RBFOX1: variants seen among roughly 807,000 people sequenced by gnomAD.
The protein encoded by RBFOX1 is RNA binding protein fox-1 homolog 1.
In RBFOX1, 8 loss-of-function variants were observed where a neutral mutation model predicts 57.7. That is an observed-to-expected ratio of 0.14 (90% CI 0.08 to 0.25). The LOEUF (loss-of-function observed/expected upper bound fraction) is 0.25, where lower values mean the gene tolerates loss of function less well. Among genes scored for constraint, RBFOX1 ranks in the 10% least tolerant of loss-of-function variants. The probability of loss-of-function intolerance (pLI) is 1.00; values close to 1 mark genes in which losing one functional copy is unlikely to be tolerated. For synonymous variants in RBFOX1, 326 were observed against 222.4 expected (o/e 1.47, Z -4.15); for missense variants, 611 against 548.5 (o/e 1.11, Z -1.14).
intron 4 of RBFOX1, among the ~76,000 whole-genome samples, chr16:7,066,984 C>G (rs929893129): frequency 6.6e-6 from 1 of 152,152 alleles, no homozygotes; most frequent in East Asian, 1.9e-4. Flanking sequence ...ATGGAAATGC[C>G]TCTTTATGCT....
At position 5,710,773 on chromosome 16, in the gene RBFOX1, C is replaced by A. The variant is rs796952032; in HGVS notation, c.318+111812C>A. On this transcript the variant is annotated intron_variant, in intron 3 of 19. Coordinates refer to the RBFOX1 transcript ENST00000641259. ...ATTACCGGCTCTGTGTCCCTGGGGA[C>A]CCCTGGCGTTTTCTGGGCTTGTTGG... 3.9e-5 allele frequency among the ~76,000 whole-genome samples: 6 copies of A among 152,168 alleles called. No homozygotes were observed. The South Asian group carries it at 1.2e-3, about 32-fold the overall frequency.
intron 1 of RBFOX1, among the ~76,000 whole-genome samples, chr16:5,271,398 G>C (rs1217364347): frequency 1.3e-5 from 2 of 152,156 alleles, no homozygotes; most frequent in Non-Finnish European, 2.9e-5. Flanking sequence ...TACATACCCA[G>C]GCTCTACCTC....
intron 3 of RBFOX1, among the ~76,000 whole-genome samples, chr16:5,786,252 C>T (rs570065398): frequency 6.6e-5 from 10 of 152,304 alleles, no homozygotes; most frequent in African/African-American, 1.9e-4. Flanking sequence ...TCCTCTCTTG[C>T]TCCTGCTCAG....
Position 5,726,219 on chromosome 16 carries a change from G to C in RBFOX1, c.318+127258G>C, listed in dbSNP as rs140390533. Among the ~76,000 whole-genome samples, 516 of 151,960 alleles carry C rather than the reference G, an allele frequency of 3.4e-3. 1 individual carries two copies. The highest frequency in any genetic ancestry group is 0.014 in the Middle Eastern group (4 of 294). On this transcript the variant is annotated intron_variant, in intron 3 of 19. Transcript: ENST00000641259. ...CAATCAGTTTTGTCATTCTAGATCAGATGCCTCCCCGAAATGCAGATAAAT... is the reference window on the plus strand; with the variant it reads ...CAATCAGTTTTGTCATTCTAGATCACATGCCTCCCCGAAATGCAGATAAAT...
intron 1 of RBFOX1, among the ~76,000 whole-genome samples, chr16:5,450,581 T>C (rs1184833940): frequency 6.6e-6 from 1 of 151,918 alleles, no homozygotes; most frequent in East Asian, 1.9e-4. Context: ...TTCTCTGGAG[T>C]GTACTGTTTT....
intron 4 of RBFOX1, among the ~76,000 whole-genome samples, chr16:7,144,150 C>T (rs17142489): frequency 0.071 from 10,735 of 152,108 alleles, 1,249 homozygotes; most frequent in African/African-American, 0.24. Context: ...CTCTAGTTTG[C>T]AAAAATGATT....
chr16:7,092,363 C>G (rs968265854), intron 4 of RBFOX1, among the ~76,000 whole-genome samples: 1 of 152,192 alleles, frequency 6.6e-6, no homozygotes, highest in Non-Finnish European at 1.5e-5. Flanking sequence ...AAAACAAAGC[C>G]TCTGAGAGGA....
chr16:6,025,260 A>G (rs1158618064), intron 1 of RBFOX1, among the ~76,000 whole-genome samples: 1 of 152,222 alleles, frequency 6.6e-6, no homozygotes, highest in Non-Finnish European at 1.5e-5. Flanking sequence ...TGACATCTGA[A>G]AAGGTAAGCC....
chr16:7,701,655 C>CT (rs1399099962), intron 14 of RBFOX1, among the ~76,000 whole-genome samples: 1 of 152,152 alleles, frequency 6.6e-6, no homozygotes, highest in Admixed American at 6.6e-5. Flanking sequence ...TCTTGAGAAG[C>CT]TTTGAGGATA....
At chr16:5,468,609 C>A (rs1453655206) in intron 2 of RBFOX1, among the ~76,000 whole-genome samples, 1 of 152,206 alleles carries the variant, frequency 6.6e-6, no homozygotes. Context: ...CACACGACTT[C>A]ACAGTGACAT....
At chr16:6,464,230 G>A (rs2094987606) in intron 2 of RBFOX1, among the ~76,000 whole-genome samples, 1 of 152,116 alleles carries the variant, frequency 6.6e-6, no homozygotes, top group Non-Finnish European at 1.5e-5. Flanking sequence ...GTTGCTAATA[G>A]CCATTTTGGT....
At chr16:6,152,915 G>A (rs901869370) in intron 1 of RBFOX1, among the ~76,000 whole-genome samples, 33 of 152,138 alleles carry the variant, frequency 2.2e-4, no homozygotes, top group African/African-American at 6.8e-4. Context: ...GAAATAAGTC[G>A]ATGGTTTTAA....
At chr16:5,372,242 T>C (rs1237240028) in intron 1 of RBFOX1, among the ~76,000 whole-genome samples, 3 of 152,108 alleles carry the variant, frequency 2.0e-5, no homozygotes, top group African/African-American at 7.2e-5. Flanking sequence ...GTTTCACGGG[T>C]CCACTGCAAC....
chr16:5,563,490 C>T (rs1465680600), intron 2 of RBFOX1, among the ~76,000 whole-genome samples: 2 of 152,102 alleles, frequency 1.3e-5, no homozygotes, highest in East Asian at 3.9e-4. Flanking sequence ...GAATAAAGTA[C>T]ACCAAAACTA....
chr16:6,632,340 A>G (rs1284742386), intron 2 of RBFOX1, among the ~76,000 whole-genome samples: 1 of 152,126 alleles, frequency 6.6e-6, no homozygotes, highest in Non-Finnish European at 1.5e-5. Flanking sequence ...GGAGAAAGAA[A>G]AAAAAAAAAG....
chr16:5,638,159 GC>G (rs1344195122), intron 3 of RBFOX1, among the ~76,000 whole-genome samples: 3 of 152,206 alleles, frequency 2.0e-5, no homozygotes, highest in African/African-American at 7.2e-5. Context: ...TTATTGACTA[GC>G]CCTGTGGAGG....
At chr16:5,339,134 G>T (rs1239491437) in intron 1 of RBFOX1, among the ~76,000 whole-genome samples, 3 of 151,932 alleles carry the variant, frequency 2.0e-5, no homozygotes, top group African/African-American at 7.3e-5. Flanking sequence ...CTGAAATGTT[G>T]TGTCCTTTGA....
chr16:5,542,989 C>G (rs1284287594), intron 2 of RBFOX1, among the ~76,000 whole-genome samples: 2 of 152,156 alleles, frequency 1.3e-5, no homozygotes, highest in African/African-American at 2.4e-5. Context: ...GAAAACCTCA[C>G]AGTTTATAAG....
Position 7,055,286 on chromosome 16 carries a change from C to G in RBFOX1, c.27+3188C>G, listed in dbSNP as rs112020457. ...ATAGAACATACTCTTGAGATCATATCAGTATTATCAGTTAAGATGCTATTA... is the reference window on the plus strand; with the variant it reads ...ATAGAACATACTCTTGAGATCATATGAGTATTATCAGTTAAGATGCTATTA... On this transcript the variant is annotated intron_variant, in intron 4 of 15. Coordinates refer to ENST00000550418, the MANE Select transcript of RBFOX1 (RefSeq NM_018723.4). Among the ~76,000 whole-genome samples the G allele has an allele frequency of 8.5e-3, 1,301 of 152,176 alleles. 19 individuals carry two copies. Among genetic ancestry groups the G allele is most frequent in the African/African-American group, 0.029 (1,214 of 41,492 alleles).
Sources: gnomAD v4.1 joint callset for allele counts (sites outside exome capture counted in the v4.1 genomes callset) on GRCh38, gnomAD v4.1.1 for gene constraint, MANE v1.5 for transcripts, NCBI Gene and HGNC (gene_info 2026-07-23, HGNC 2026-07-21) for gene names.